Variants in CDKN2B-AS1 observed in about 807,000 individuals in gnomAD.
The protein encoded by CDKN2B-AS1 is CDKN2B antisense RNA 1 (non-protein coding).
At chr9:22,057,817 A>AAG (rs1299128363) in intron 4 of CDKN2B-AS1, among the ~76,000 whole-genome samples, 1 of 151,938 alleles carries the variant, frequency 6.6e-6, no homozygotes, top group Non-Finnish European at 1.5e-5. Context: ...GAGAAAAAAA[A>AAG]AAGCAACCCA....
chr9:22,034,225 G>T (rs1367637095), intron 1 of CDKN2B-AS1, among the ~76,000 whole-genome samples: 9 of 152,040 alleles, frequency 5.9e-5, no homozygotes, highest in Admixed American at 2.0e-4. Context: ...TATTATTCTG[G>T]TCTATAAATT....
chr9:22,110,339 A>C (rs1047763199), intron 4 of CDKN2B-AS1, among the ~76,000 whole-genome samples: 2 of 152,192 alleles, frequency 1.3e-5, no homozygotes, highest in Non-Finnish European at 2.9e-5. Context: ...CTCTTCTGGT[A>C]CTATCACTTG....
At chr9:21,998,264 G>A (rs1384796155) in intron 1 of CDKN2B-AS1, among the ~76,000 whole-genome samples, 5 of 152,140 alleles carry the variant, frequency 3.3e-5, no homozygotes, top group African/African-American at 7.2e-5. Flanking sequence ...TTTGGAATGC[G>A]GAGTGACTAT....
chr9:22,084,545 T>A (rs975125237), intron 4 of CDKN2B-AS1, among the ~76,000 whole-genome samples: 1 of 152,252 alleles, frequency 6.6e-6, no homozygotes, highest in Admixed American at 6.5e-5. Flanking sequence ...ACATTTTTTT[T>A]ACTCTCAGAG....
chr9:22,062,998 T>TAG (rs769270060), intron 4 of CDKN2B-AS1, among the ~76,000 whole-genome samples: 60 of 148,476 alleles, frequency 4.0e-4, no homozygotes, highest in East Asian at 3.8e-3. Context: ...TATATATATA[T>TAG]AGAGAGAGAG....
At chr9:22,114,607 A>G (rs1239672360) in intron 4 of CDKN2B-AS1, among the ~76,000 whole-genome samples, 1 of 152,236 alleles carries the variant, frequency 6.6e-6, no homozygotes, top group Non-Finnish European at 1.5e-5. Flanking sequence ...CCACCAGAAG[A>G]GTACTGCATC....
intron 4 of CDKN2B-AS1, among the ~76,000 whole-genome samples, chr9:22,064,659 C>T (rs371915099): frequency 6.6e-6 from 1 of 152,094 alleles, no homozygotes; most frequent in African/African-American, 2.4e-5. Context: ...TTGTCCCAGT[C>T]GTGTGTGGGT....
intron 1 of CDKN2B-AS1, among the ~76,000 whole-genome samples, chr9:22,008,314 C>T (rs2069421): frequency 5.5e-4 from 83 of 152,190 alleles, no homozygotes; most frequent in African/African-American, 2.0e-3. Context: ...TGAGGAATCC[C>T]GTCTCATTCT....
chr9:22,118,865 G>A (rs188068805), intron 4 of CDKN2B-AS1: 5 of 152,142 alleles, frequency 3.3e-5, no homozygotes, highest in East Asian at 1.9e-4. Context: ...TTCATCACAC[G>A]AACTGCTGAA....
intron 3 of CDKN2B-AS1, among the ~76,000 whole-genome samples, chr9:22,050,150 A>C (rs1376153408): frequency 4.6e-5 from 7 of 152,238 alleles, no homozygotes; most frequent in Non-Finnish European, 1.0e-4. Context: ...ACATGCACAC[A>C]CATAGACTTA....
intron 1 of CDKN2B-AS1, among the ~76,000 whole-genome samples, chr9:22,036,267 G>A (rs1204880223): frequency 6.6e-6 from 1 of 152,044 alleles, no homozygotes; most frequent in Non-Finnish European, 1.5e-5. Context: ...TTGCAAAGTA[G>A]CTACAGAGAA....
chr9:22,084,994 C>G (rs1365151350), intron 4 of CDKN2B-AS1, among the ~76,000 whole-genome samples: 1 of 152,000 alleles, frequency 6.6e-6, no homozygotes, highest in Non-Finnish European at 1.5e-5. Flanking sequence ...TCAGGCAACC[C>G]CAGCACAGTG....
exon 5 of CDKN2B-AS1, among the ~76,000 whole-genome samples, chr9:22,127,340 A>G (rs558330856): frequency 2.6e-5 from 4 of 152,306 alleles, no homozygotes; most frequent in Admixed American, 6.5e-5. Flanking sequence ...TTCGCCTCCC[A>G]AAGTGCTGGT....
intron 1 of CDKN2B-AS1, among the ~76,000 whole-genome samples, chr9:22,015,713 G>T (rs938128964): frequency 3.9e-5 from 6 of 152,118 alleles, no homozygotes; most frequent in African/African-American, 1.4e-4. Context: ...ATGTATTCAT[G>T]TGCCATGCTG....
At chr9:22,012,075 A>G in intron 1 of CDKN2B-AS1, 2 of 651,334 alleles carry the variant, frequency 3.1e-6, no homozygotes, top group South Asian at 3.6e-5. Context: ...AATTGTCTGT[A>G]TATGACCTTG....
At chr9:22,044,586 G>A (rs774045208) in intron 1 of CDKN2B-AS1, among the ~76,000 whole-genome samples, 1 of 151,948 alleles carries the variant, frequency 6.6e-6, no homozygotes, top group Non-Finnish European at 1.5e-5. Context: ...ATTAAAAATT[G>A]TTATATTTCC....
chr9:22,098,977 A>G (rs986407532), intron 4 of CDKN2B-AS1, among the ~76,000 whole-genome samples: 1 of 152,216 alleles, frequency 6.6e-6, no homozygotes, highest in African/African-American at 2.4e-5. Context: ...CAGTCAAGGA[A>G]ACAAAGAAGC....
At chr9:22,106,391 A>G (rs778579666) in intron 4 of CDKN2B-AS1, among the ~76,000 whole-genome samples, 5 of 151,980 alleles carry the variant, frequency 3.3e-5, no homozygotes, top group African/African-American at 9.7e-5. Context: ...TAATTTTTGT[A>G]TTTTTAGTAG....
At chr9:22,041,074 C>A (rs1261093122) in intron 1 of CDKN2B-AS1, among the ~76,000 whole-genome samples, 1 of 151,850 alleles carries the variant, frequency 6.6e-6, no homozygotes, top group Non-Finnish European at 1.5e-5. Context: ...TAACTGCCTG[C>A]AAAAGTAAAA....
Sources: allele counts gnomAD v4.1 joint callset (sites outside exome capture counted in the v4.1 genomes callset), GRCh38; gene constraint gnomAD v4.1.1; transcripts MANE v1.5; gene names NCBI Gene and HGNC (gene_info 2026-07-23, HGNC 2026-07-21).